Variants in PHACTR2 observed in about 807,000 individuals in gnomAD.
PHACTR2 encodes phosphatase and actin regulator 2.
A neutral mutation model predicts 76.0 loss-of-function variants in PHACTR2; 30 were observed. The ratio of observed to expected loss-of-function variants is 0.39; its 90% confidence interval spans 0.30 to 0.54. The LOEUF (loss-of-function observed/expected upper bound fraction) is 0.54. Among genes scored for constraint, PHACTR2 ranks in the 20% least tolerant of loss-of-function variants. PHACTR2 has a pLI of 0.61. For synonymous variants in PHACTR2, 292 were observed against 292.5 expected (o/e 1.00, Z 0.02); for missense variants, 696 against 781.1 (o/e 0.89, Z 1.30).
At chr6:143,721,864 C>T (rs1055768755) in intron 2 of PHACTR2, among the ~76,000 whole-genome samples, 4 of 152,152 alleles carry the variant, frequency 2.6e-5, no homozygotes, top group Admixed American at 6.5e-5. Context: ...ACAAGCCTGA[C>T]CAGTTCCCTG....
Position 143,580,668 on chromosome 6 carries a change from G to T in PHACTR2, c.217+43461G>T, listed in dbSNP as rs188667507. On this transcript the variant is annotated intron_variant, in intron 1 of 11. Transcript: ENST00000367584. The surrounding 1 kb of genome is among the most constrained non-coding windows in gnomAD (Gnocchi z 4.2). ...AGCCTGGGTGACAGAGCAAGACTCC[G>T]TCTCAAAAAATAAAATAAAATAAAA... Among the ~76,000 whole-genome samples the T allele has an allele frequency of 6.6e-6, 1 of 152,082 alleles. No homozygotes were observed. The highest frequency in any genetic ancestry group is 2.1e-4 in the South Asian group (1 of 4,826).
rs920701777 is a variant in PHACTR2 at position 143,639,310 on chromosome 6, C to A, written c.13+30988C>A. ...ATGTTGTAAAACAAATGTAACAGAA[C>A]TTTATATAGTGATTTAATCTTTAAA... On this transcript the variant is annotated intron_variant, in intron 1 of 11. Transcript: ENST00000305766. This position sits in a 1 kb window ranked among gnomAD's most constrained non-coding sequence, Gnocchi z 5.0. 6.6e-6 allele frequency among the ~76,000 whole-genome samples: 1 copy of A among 152,112 alleles called. No individual in the cohort carries two copies. Among genetic ancestry groups the A allele is most frequent in the Non-Finnish European group, 1.5e-5 (1 of 68,022 alleles).
chr6:143,727,135 A>T (rs1778590856), intron 2 of PHACTR2, among the ~76,000 whole-genome samples: 1 of 152,096 alleles, frequency 6.6e-6, no homozygotes, highest in African/African-American at 2.4e-5. Context: ...AGCCTCTCGT[A>T]ACTGTCATTC....
chr6:143,620,658 G>T (rs1234224105), intron 1 of PHACTR2, among the ~76,000 whole-genome samples: 1 of 152,074 alleles, frequency 6.6e-6, no homozygotes, highest in African/African-American at 2.4e-5. Context: ...CATAAAAAAT[G>T]TTGCCCTGAC....
rs1028618302 is a variant in PHACTR2, at chr6:143,722,103, G to C, written c.214+9920G>C. Among the ~76,000 whole-genome samples the C allele has an allele frequency of 1.3e-5, 2 of 152,146 alleles. No individual in the cohort carries two copies. Among genetic ancestry groups the C allele is most frequent in the Non-Finnish European group, 2.9e-5 (2 of 68,026 alleles). ...GCATCTTGTAAATGTCTAGGGAGCT[G>C]GAAGTTCCCATGAAAACTCTCTATC... On this transcript the variant is annotated intron_variant, in intron 2 of 12. Coordinates refer to ENST00000440869, the MANE Select transcript of PHACTR2 (RefSeq NM_001100164.2). This position sits in a 1 kb window ranked among gnomAD's most constrained non-coding sequence, Gnocchi z 4.1.
At chr6:143,724,362 G>A (rs1048893925) in intron 2 of PHACTR2, among the ~76,000 whole-genome samples, 44 of 152,012 alleles carry the variant, frequency 2.9e-4, no homozygotes, top group African/African-American at 9.7e-4. Flanking sequence ...TCGATCTCCC[G>A]AACTCGTGAT....
rs1408632480 is a variant in PHACTR2, at chr6:143,738,531, A to G, written c.215-10454A>G. 1.3e-5 allele frequency among the ~76,000 whole-genome samples: 2 copies of G among 151,908 alleles called. No homozygotes were observed. The highest frequency in any genetic ancestry group is 2.9e-5 in the Non-Finnish European group (2 of 67,956). ...CTAGCACTTTGGGAGGCCAAGGTAAATGGATCACTTGAGCTCACGACCAGC... is the reference window on the plus strand; with the variant it reads ...CTAGCACTTTGGGAGGCCAAGGTAAGTGGATCACTTGAGCTCACGACCAGC... On this transcript the variant is annotated intron_variant, in intron 2 of 12. Transcript: ENST00000440869. The surrounding 1 kb of genome is among the most constrained non-coding windows in gnomAD (Gnocchi z 4.0).
chr6:143,701,489 A>G (rs910317870), intron 1 of PHACTR2, among the ~76,000 whole-genome samples: 1 of 152,188 alleles, frequency 6.6e-6, no homozygotes, highest in Non-Finnish European at 1.5e-5. Flanking sequence ...TACCTACCCT[A>G]ACTCCTTGGA....
In PHACTR2 at chr6:143,739,538, G is replaced by A. The variant is rs1778895238; in HGVS notation, c.215-9447G>A. Among the ~76,000 whole-genome samples, 1 of 152,164 alleles carries A rather than the reference G, an allele frequency of 6.6e-6. No individual in the cohort carries two copies. Among genetic ancestry groups the A allele is most frequent in the Non-Finnish European group, 1.5e-5 (1 of 68,034 alleles). On this transcript the variant is annotated intron_variant, in intron 2 of 12. Coordinates refer to ENST00000440869, the MANE Select transcript of PHACTR2 (RefSeq NM_001100164.2). The surrounding 1 kb of genome is among the most constrained non-coding windows in gnomAD (Gnocchi z 4.3). ...GTAAAGAAACAGGAAATGGAAACAC[G>A]CAAGCTTTTCTTTGAACTAGATGAA...
At position 143,750,168 on chromosome 6, in the gene PHACTR2, G is replaced by A. The variant is rs765382105; in HGVS notation, c.295+1103G>A. Among the ~76,000 whole-genome samples, 33 of 152,144 alleles carry A rather than the reference G, an allele frequency of 2.2e-4. No homozygotes were observed. The highest frequency in any genetic ancestry group is 4.4e-4 in the Non-Finnish European group (30 of 68,020). On this transcript the variant is annotated intron_variant, in intron 3 of 12. Transcript: ENST00000440869. This position sits in a 1 kb window ranked among gnomAD's most constrained non-coding sequence, Gnocchi z 4.6. Reference sequence around the variant, plus strand: ...CAAAGAAAGTAGGGAACTCTGCAGTGAATAGTAGCATTTTCTTAAGCCCTC... The same window carrying A: ...CAAAGAAAGTAGGGAACTCTGCAGTAAATAGTAGCATTTTCTTAAGCCCTC...
chr6:143,561,125 C>A lies in PHACTR2; in HGVS notation c.217+23918C>A, dbSNP rs1223425557. ...GGCCAGGCCCCACACACCTCAAACA[C>A]AAGCAGGGATTGAAGGAGAGGAAGA... On this transcript the variant is annotated intron_variant, in intron 1 of 11. Transcript: ENST00000367584. This position sits in a 1 kb window ranked among gnomAD's most constrained non-coding sequence, Gnocchi z 4.1. 3.3e-5 allele frequency: 5 copies of A among 152,948 alleles called. No homozygotes were observed. Among genetic ancestry groups the A allele is most frequent in the African/African-American group, 1.2e-4 (5 of 41,458 alleles). 9.5% of individuals were successfully genotyped at this position (152,948 alleles called of 1,614,324 possible).
chr6:143,559,709 T>C (rs1035051836), intron 1 of PHACTR2, among the ~76,000 whole-genome samples: 6 of 127,702 alleles, frequency 4.7e-5, no homozygotes, highest in African/African-American at 9.0e-5. Context: ...TTTTTTTTTT[T>C]TTTTTTTTTT....
At position 143,539,186 on chromosome 6, in the gene PHACTR2, T is replaced by C. The variant is rs892395855; in HGVS notation, c.217+1979T>C. On this transcript the variant is annotated intron_variant, in intron 1 of 11. Transcript: ENST00000367584. The surrounding 1 kb of genome is among the most constrained non-coding windows in gnomAD (Gnocchi z 4.3). ...CATGTGAACCATGGGCTCCAATTTA[T>C]AAAATTATTTTACTTCTGAGGACTC... Among the ~76,000 whole-genome samples the C allele has an allele frequency of 1.3e-5, 2 of 152,252 alleles. No individual in the cohort carries two copies. Among genetic ancestry groups the C allele is most frequent in the African/African-American group, 2.4e-5 (1 of 41,470 alleles).
intron 2 of PHACTR2, among the ~76,000 whole-genome samples, chr6:143,717,575 T>G (rs1415143504): frequency 1.3e-5 from 2 of 152,084 alleles, no homozygotes; most frequent in Non-Finnish European, 2.9e-5. Context: ...AGGACTTTTT[T>G]TTTTTTTGGT....
chr6:143,687,704 A>G (rs920672885), intron 1 of PHACTR2, among the ~76,000 whole-genome samples: 2 of 152,154 alleles, frequency 1.3e-5, no homozygotes, highest in African/African-American at 2.4e-5. Context: ...ATTCACATCA[A>G]CCTTCTGGCA....
In PHACTR2 at chr6:143,788,832, G is replaced by A. The variant is rs367667024; in HGVS notation, c.1767G>A (p.Glu589=). Reference sequence around the variant, plus strand: ...CTCGAAGGATCCTGCGATTTAACGAGTATGTAGAAGTCACGGATTCTCCTG... The same window carrying A: ...CTCGAAGGATCCTGCGATTTAACGAATATGTAGAAGTCACGGATTCTCCTG... The part of the protein sequence containing the change: ...LQARRILRFN[E]YVEVTDSPDY... Residue 589 remains glutamate (E), a synonymous_variant, in exon 11 of 13, where the codon GAG becomes GAA. Coordinates refer to ENST00000440869, the MANE Select transcript of PHACTR2 (RefSeq NM_001100164.2). The A allele has an allele frequency of 4.8e-5, 77 of 1,613,776 alleles. 1 individual carries two copies. In the African/African-American group the frequency reaches 8.3e-4, roughly 17 times the overall value.
In PHACTR2 at chr6:143,663,319, G is replaced by A. The variant is rs545288584; in HGVS notation, c.14-48697G>A. ...AAGTTGCAGAGCACTCTCTCAACAT[G>A]CTGAGTGAAGGCTTGCCCTCCCCGT... On this transcript the variant is annotated intron_variant, in intron 1 of 11. Transcript: ENST00000305766. This position sits in a 1 kb window ranked among gnomAD's most constrained non-coding sequence, Gnocchi z 4.1. 2.0e-5 allele frequency among the ~76,000 whole-genome samples: 3 copies of A among 152,308 alleles called. No individual in the cohort carries two copies. In the South Asian group the frequency reaches 6.2e-4, roughly 32 times the overall value.
chr6:143,785,844 A>C (rs1321291001), intron 10 of PHACTR2, among the ~76,000 whole-genome samples: 1 of 152,200 alleles, frequency 6.6e-6, no homozygotes, highest in Non-Finnish European at 1.5e-5. Flanking sequence ...TGGCTGGGGC[A>C]CAGGGCACCA....
At position 143,662,091 on chromosome 6, in the gene PHACTR2, A is replaced by G. The variant is rs531671299; in HGVS notation, c.14-49925A>G. Among the ~76,000 whole-genome samples the G allele has an allele frequency of 1.3e-5, 2 of 152,290 alleles. No homozygotes were observed. Among genetic ancestry groups the G allele is most frequent in the South Asian group, 2.1e-4 (1 of 4,826 alleles). ...TTAAGTCAGAGCACCTGCAAGCTTCATTGCTCCTCCCCCTTTCTCAGCTCC... is the reference window on the plus strand; with the variant it reads ...TTAAGTCAGAGCACCTGCAAGCTTCGTTGCTCCTCCCCCTTTCTCAGCTCC... On this transcript the variant is annotated intron_variant, in intron 1 of 11. Transcript: ENST00000305766. The surrounding 1 kb of genome is among the most constrained non-coding windows in gnomAD (Gnocchi z 4.7).
Sources: gnomAD v4.1 joint callset for allele counts (sites outside exome capture counted in the v4.1 genomes callset) on GRCh38, gnomAD v4.1.1 for gene constraint, Gnocchi (gnomAD v3.1) non-coding constraint, MANE v1.5 for transcripts, NCBI Gene and HGNC (gene_info 2026-07-23, HGNC 2026-07-21) for gene names.